ZDHHC7: variants seen among roughly 807,000 people sequenced by gnomAD.
ZDHHC7 encodes palmitoyltransferase ZDHHC7.
ZDHHC7 carries 12 observed loss-of-function variants against 34.1 expected under a neutral mutation model. That is an observed-to-expected ratio of 0.35 (90% CI 0.23 to 0.57). The LOEUF (loss-of-function observed/expected upper bound fraction) is 0.57. Among genes scored for constraint, ZDHHC7 ranks in the 20% least tolerant of loss-of-function variants. The pLI is 0.84. For missense variants in ZDHHC7, 388 were observed against 402.7 expected (o/e 0.96, Z 0.31); for synonymous variants, 185 against 155.4 (o/e 1.19, Z -1.42).
chr16:85,010,103 G>A (rs1156244973), intron 1 of ZDHHC7, among the ~76,000 whole-genome samples: 1 of 149,158 alleles, frequency 6.7e-6, no homozygotes, highest in African/African-American at 2.5e-5. Flanking sequence ...CAGTGCTGTG[G>A]CATGATCTCA....
chr16:84,991,439 C>G (rs779378999), intron 2 of ZDHHC7, among the ~76,000 whole-genome samples: 3 of 152,016 alleles, frequency 2.0e-5, no homozygotes, highest in Non-Finnish European at 4.4e-5. Flanking sequence ...GCGCCCACCA[C>G]CACACCTAGC....
intron 1 of ZDHHC7, among the ~76,000 whole-genome samples, chr16:84,998,165 G>C (rs549309399): frequency 6.6e-6 from 1 of 151,296 alleles, no homozygotes; most frequent in African/African-American, 2.4e-5. Context: ...TCGGGAGGCT[G>C]AGACAGGAGA....
At chr16:85,021,161 C>T in the ZDHHC7 span, among the ~76,000 whole-genome samples, 3 of 151,852 alleles carry the variant, frequency 2.0e-5, no homozygotes, top group Admixed American at 6.6e-5. Context: ...CACCTGTAAT[C>T]CCAGCACTTT....
chr16:85,021,160 TCCCAGCACTTTGGGAGG>T, the ZDHHC7 span, among the ~76,000 whole-genome samples: 1 of 151,748 alleles, frequency 6.6e-6, no homozygotes, highest in Non-Finnish European at 1.5e-5. Flanking sequence ...ACACCTGTAA[TCCCAGCACTTTGGGAGG>T]CCGAGGTGGG....
intron 3 of ZDHHC7, chr16:84,988,972 A>C: frequency 1.6e-6 from 2 of 1,218,772 alleles, no homozygotes; most frequent in Non-Finnish European, 2.3e-6. Flanking sequence ...GGCAACAAAC[A>C]AGGGGTTTCT....
chr16:84,991,204 C>T (rs542468632), intron 2 of ZDHHC7, among the ~76,000 whole-genome samples: 1 of 152,228 alleles, frequency 6.6e-6, no homozygotes, highest in African/African-American at 2.4e-5. Context: ...CCTCGCTTAT[C>T]TGTGATGTTT....
At chr16:85,003,845 G>T (rs962557042) in intron 1 of ZDHHC7, among the ~76,000 whole-genome samples, 1 of 152,114 alleles carries the variant, frequency 6.6e-6, no homozygotes, top group African/African-American at 2.4e-5. Flanking sequence ...ACCAGTCTCA[G>T]GAGTGAGGGG....
Position 84,981,942 on chromosome 16 carries a change from A to G in ZDHHC7, c.368T>C (p.Leu123Pro), listed in dbSNP as rs776954206. ...CTTGTAGATGACTTCCCCGGGCTTC[A>G]GCTGCAAGCTCTCCATGTATTCTTT... ...ATKEYMESLQLKPGEVIYKCP... is the reference protein window; with the variant it reads ...ATKEYMESLQPKPGEVIYKCP... Residue 123 changes from leucine to proline, a missense_variant, in exon 4 of 8, where the codon CTG (leucine) becomes CCG (proline). By Grantham distance (98) the Leu-to-Pro change is moderately conservative. Transcript: ENST00000313732. The G allele has an allele frequency of 2.5e-6, 4 of 1,614,092 alleles. No homozygotes were observed. In the South Asian group the frequency reaches 3.3e-5, roughly 13 times the overall value.
chr16:85,021,375 G>A, the ZDHHC7 span, among the ~76,000 whole-genome samples: 3 of 136,674 alleles, frequency 2.2e-5, no homozygotes, highest in African/African-American at 8.7e-5. Flanking sequence ...TTATGCCACT[G>A]CACTCCAGCC....
chr16:85,002,920 C>T (rs954289204), intron 1 of ZDHHC7, among the ~76,000 whole-genome samples: 27 of 151,986 alleles, frequency 1.8e-4, no homozygotes, highest in East Asian at 3.9e-4. Context: ...GGAGAGGCGG[C>T]GGCCAAGAGG....
At chr16:84,978,331 A>T (rs2072324735) in intron 5 of ZDHHC7, among the ~76,000 whole-genome samples, 1 of 152,230 alleles carries the variant, frequency 6.6e-6, no homozygotes, top group Non-Finnish European at 1.5e-5. Context: ...CTGATGACAC[A>T]TCATGTGTAT....
chr16:84,977,346 C>T (rs773348136), intron 6 of ZDHHC7, 121 bp from the exon 7 acceptor site: 2 of 1,303,818 alleles, frequency 1.5e-6, no homozygotes, highest in Non-Finnish European at 1.1e-6. Flanking sequence ...AAGTTGTTCA[C>T]TTTCTAAATG....
At chr16:85,004,051 A>T (rs1443919260) in intron 1 of ZDHHC7, among the ~76,000 whole-genome samples, 1 of 151,394 alleles carries the variant, frequency 6.6e-6, no homozygotes, top group Non-Finnish European at 1.5e-5. Flanking sequence ...TATCTGGAAA[A>T]CTCTCAGGCT....
chr16:84,979,765 A>G (rs2072342014), intron 4 of ZDHHC7, among the ~76,000 whole-genome samples: 3 of 152,130 alleles, frequency 2.0e-5, no homozygotes, highest in African/African-American at 7.2e-5. Flanking sequence ...ACACCCAGGC[A>G]TGAAGTCGTC....
the ZDHHC7 span, among the ~76,000 whole-genome samples, chr16:85,024,228 T>TCG: frequency 7.2e-6 from 1 of 139,610 alleles, no homozygotes; most frequent in Non-Finnish European, 1.5e-5. Flanking sequence ...TCAGAGTTTT[T>TCG]TGTTTTTTTT....
At chr16:84,977,041 T>A in intron 7 of ZDHHC7, 54 bp downstream of exon 7, 1 of 1,603,450 alleles carries the variant, frequency 6.2e-7, no homozygotes, top group Non-Finnish European at 8.5e-7. Flanking sequence ...GGACTTTTCA[T>A]TTACTCAAGC....
chr16:84,985,948 G>A (rs565067411), intron 3 of ZDHHC7, among the ~76,000 whole-genome samples: 41 of 80,726 alleles, frequency 5.1e-4, no homozygotes, highest in Non-Finnish European at 7.1e-4. Context: ...GAGTGAGACT[G>A]TCTCAAAAAA....
intron 1 of ZDHHC7, among the ~76,000 whole-genome samples, chr16:85,000,083 T>C (rs982459314): frequency 6.6e-6 from 1 of 151,996 alleles, no homozygotes; most frequent in African/African-American, 2.4e-5. Flanking sequence ...GAGGCTGCAG[T>C]GAGCTGTGTT....
chr16:84,987,597 G>A (rs1333605125), intron 3 of ZDHHC7, among the ~76,000 whole-genome samples: 1 of 152,084 alleles, frequency 6.6e-6, no homozygotes, highest in South Asian at 2.1e-4. Context: ...CCACTCCTAG[G>A]TATATACCCA....
Sources: gnomAD v4.1 joint callset for allele counts (sites outside exome capture counted in the v4.1 genomes callset) on GRCh38, gnomAD v4.1.1 for gene constraint, MANE v1.5 for transcripts, NCBI Gene and HGNC (gene_info 2026-07-23, HGNC 2026-07-21) for gene names.